APC: variants seen among roughly 807,000 people sequenced by gnomAD.
APC encodes APC regulator of Wnt signaling pathway, also known as adenomatous polyposis coli protein.
A neutral mutation model predicts 247.0 loss-of-function variants in APC; 72 were observed. The observed-to-expected ratio is 0.29, with a 90% CI of 0.24 to 0.35. The LOEUF (loss-of-function observed/expected upper bound fraction) is 0.35, where lower values mean the gene tolerates loss of function less well. Among genes scored for constraint, APC ranks in the 10% least tolerant of loss-of-function variants. The pLI, the probability that APC is intolerant of heterozygous loss-of-function variation, is 1.00. For missense variants in APC, 3,400 were observed against 3,360.7 expected (o/e 1.01, Z -0.29); for synonymous variants, 1,254 against 1,162.5 (o/e 1.08, Z -1.60).
At chr5:112,787,402 A>G (rs1191224485) in intron 6 of APC, among the ~76,000 whole-genome samples, 1 of 152,124 alleles carries the variant, frequency 6.6e-6, no homozygotes, top group Non-Finnish European at 1.5e-5. Flanking sequence ...TCTTAAAGTA[A>G]TCTTTTTAGT....
intron 4 of APC, among the ~76,000 whole-genome samples, chr5:112,769,739 A>C (rs1012795267): frequency 2.0e-5 from 3 of 152,164 alleles, no homozygotes; most frequent in Non-Finnish European, 4.4e-5. Flanking sequence ...TGAAAATTGA[A>C]TATTAGTATA....
At chr5:112,710,462 C>T (rs1433329169) in intron 1 of APC, among the ~76,000 whole-genome samples, 1 of 152,132 alleles carries the variant, frequency 6.6e-6, no homozygotes, top group Non-Finnish European at 1.5e-5. Flanking sequence ...CCCCTCCCTC[C>T]AGATGTGTCC....
At chr5:112,725,004 G>A (rs1397850434) in intron 1 of APC, among the ~76,000 whole-genome samples, 2 of 151,754 alleles carry the variant, frequency 1.3e-5, no homozygotes, top group African/African-American at 4.8e-5. Flanking sequence ...TTTATTTTGA[G>A]ACAGAGCTTG....
chr5:112,797,695 T>C (rs1398775198), intron 7 of APC, among the ~76,000 whole-genome samples: 1 of 152,120 alleles, frequency 6.6e-6, no homozygotes, highest in Non-Finnish European at 1.5e-5. Context: ...TAATAGCAAA[T>C]GAAGAATACT....
At position 112,843,084 on chromosome 5, in the gene APC, C is replaced by T. The variant is rs141010008; in HGVS notation, c.7490C>T (p.Ser2497Leu). 907 of 1,613,856 alleles carry T rather than the reference C, an allele frequency of 5.6e-4. No homozygotes were observed. The highest frequency in any genetic ancestry group is 7.3e-4 in the Non-Finnish European group (865 of 1,179,850). ...SLPDMSLSTH[S>L]SVQAGGWRKL... Reference sequence around the variant, plus strand: ...CCTGATATGTCTCTATCCACACATTCGTCTGTTCAGGCTGGTGGATGGCGA... The same window carrying T: ...CCTGATATGTCTCTATCCACACATTTGTCTGTTCAGGCTGGTGGATGGCGA... Residue 2497 changes from serine (S) to leucine (L), a missense_variant, in exon 16 of 16, where the codon TCG becomes TTG. By Grantham distance (145) the Ser-to-Leu change is moderately radical. Around this residue, in one of 9 missense-constraint regions of APC, gnomAD observed 1,788 missense variants for 1,649.5 expected, o/e 1.08. Coordinates refer to ENST00000257430, the MANE Select transcript of APC (RefSeq NM_000038.6). The surrounding 1 kb of genome is among the most constrained non-coding windows in gnomAD (Gnocchi z 4.8).
chr5:112,758,205 G>T (rs377696135), intron 2 of APC, among the ~76,000 whole-genome samples: 2 of 152,184 alleles, frequency 1.3e-5, no homozygotes, highest in African/African-American at 4.8e-5. Flanking sequence ...GAATTTAGAT[G>T]ATATGAAATC....
chr5:112,712,481 G>A (rs1331724906), intron 1 of APC, among the ~76,000 whole-genome samples: 2 of 151,768 alleles, frequency 1.3e-5, no homozygotes, highest in Non-Finnish European at 2.9e-5. Context: ...AGACCTCTCA[G>A]GCTCAAGCAG....
intron 1 of APC, among the ~76,000 whole-genome samples, chr5:112,725,252 C>T (rs771806306): frequency 6.6e-6 from 1 of 152,092 alleles, no homozygotes; most frequent in Non-Finnish European, 1.5e-5. Context: ...GGATTACAGG[C>T]GTGAGCCACT....
chr5:112,823,732 C>T (rs543214954), intron 11 of APC, among the ~76,000 whole-genome samples: 14 of 152,258 alleles, frequency 9.2e-5, no homozygotes, highest in African/African-American at 2.9e-4. Context: ...CTGTGCTAGG[C>T]ACTAGATTTT....
chr5:112,827,346 C>T (rs1227870895), intron 12 of APC, 99 bp downstream of exon 12: 10 of 1,316,692 alleles, frequency 7.6e-6, no homozygotes, highest in Middle Eastern at 2.3e-4. Context: ...TTTCACTCTC[C>T]TCATTAAACA....
chr5:112,722,902 C>G (rs1751562729), intron 1 of APC, among the ~76,000 whole-genome samples: 1 of 152,042 alleles, frequency 6.6e-6, no homozygotes, highest in Non-Finnish European at 1.5e-5. Flanking sequence ...GATTGACAAC[C>G]ATGTAGAAAT....
Position 112,843,293 on chromosome 5 carries a change from A to T in APC, c.7699A>T (p.Thr2567Ser), listed in dbSNP as rs2149992149. ...TCCTCGAGTAAGCACTTGGAGAAGA[A>T]CTGGAAGTTCATCTTCAATTCTTTC... ...SLPRVSTWRR[T>S]GSSSSILSAS... Residue 2567 changes from threonine (T) to serine (S), a missense_variant, in exon 16 of 16, where the codon ACT (threonine) becomes TCT (serine). Thr to Ser is a moderately conservative substitution (Grantham distance 58). Transcript: ENST00000257430. The surrounding 1 kb of genome is among the most constrained non-coding windows in gnomAD (Gnocchi z 4.8). The T allele has an allele frequency of 6.2e-7, 1 of 1,613,552 alleles. No homozygotes were observed.
chr5:112,802,696 T>C (rs1760955488), intron 8 of APC, among the ~76,000 whole-genome samples: 1 of 152,068 alleles, frequency 6.6e-6, no homozygotes, highest in Non-Finnish European at 1.5e-5. Flanking sequence ...GGGTAGCGTT[T>C]TTATAATCAT....
chr5:112,806,426 G>A (rs1391299902), intron 8 of APC, among the ~76,000 whole-genome samples: 1 of 152,082 alleles, frequency 6.6e-6, no homozygotes, highest in African/African-American at 2.4e-5. Flanking sequence ...AGGGTTTCTT[G>A]ATCTGTTTTT....
At chr5:112,832,756 C>T (rs1159280055) in intron 14 of APC, among the ~76,000 whole-genome samples, 1 of 152,198 alleles carries the variant, frequency 6.6e-6, no homozygotes, top group African/African-American at 2.4e-5. Flanking sequence ...CTGTTCTCCT[C>T]CATGAAATAT....
At chr5:112,730,276 C>T (rs1158952173) in intron 1 of APC, among the ~76,000 whole-genome samples, 1 of 152,134 alleles carries the variant, frequency 6.6e-6, no homozygotes, top group Non-Finnish European at 1.5e-5. Context: ...ATATAGTAAG[C>T]ATCAGAATGA....
chr5:112,746,246 T>G (rs1753663799), intron 1 of APC, among the ~76,000 whole-genome samples: 1 of 152,126 alleles, frequency 6.6e-6, no homozygotes, highest in Non-Finnish European at 1.5e-5. Flanking sequence ...TAAAAAAATC[T>G]TAGCTCTAAA....
At chr5:112,726,743 C>A (rs565391432) in intron 1 of APC, among the ~76,000 whole-genome samples, 1 of 152,048 alleles carries the variant, frequency 6.6e-6, no homozygotes, top group Non-Finnish European at 1.5e-5. Flanking sequence ...GAAATTTATT[C>A]CAATTCTTAA....
chr5:112,730,288 A>G, intron 1 of APC, among the ~76,000 whole-genome samples: 1 of 152,250 alleles, frequency 6.6e-6, no homozygotes, highest in South Asian at 2.1e-4. Flanking sequence ...TCAGAATGAT[A>G]ACAGTTGAAC....
Sources: allele counts gnomAD v4.1 joint callset (sites outside exome capture counted in the v4.1 genomes callset), GRCh38; gene constraint gnomAD v4.1.1; regional missense constraint gnomAD v4.1.1; non-coding constraint Gnocchi (gnomAD v3.1); transcripts MANE v1.5; gene names NCBI Gene and HGNC (gene_info 2026-07-23, HGNC 2026-07-21).